Variants in NACA observed in about 807,000 individuals in gnomAD.
NACA encodes nascent polypeptide-associated complex subunit alpha.
Under a neutral mutation model 86.4 loss-of-function variants are expected in NACA, and 42 were observed. The observed-to-expected ratio is 0.49, with a 90% CI of 0.38 to 0.63. The LOEUF is 0.63. Among genes scored for constraint, NACA ranks in the 20% least tolerant of loss-of-function variants. The pLI, the probability that NACA is intolerant of heterozygous loss-of-function variation, is 0.00. For synonymous variants in NACA, 898 were observed against 973.7 expected, an observed-to-expected ratio of 0.92 and a Z score of 1.45; for missense variants, 2,157 against 2,483.6, an observed-to-expected ratio of 0.87 and a Z score of 2.80.
At position 56,720,242 on chromosome 12, in the gene NACA, G is replaced by A; in HGVS notation, c.1288C>T (p.Gln430Ter). The change falls in exon 3 of 9, where the codon CAA becomes TAA. Residue 430 changes from glutamine to a stop codon, truncating the protein, a stop_gained. Coordinates refer to ENST00000454682, the MANE Select transcript of NACA (RefSeq NM_001365896.1). LOFTEE classifies it high-confidence loss of function. Reference protein sequence around the residue: ...NATYHYPLVAQMPVSSVGTTP... With the variant: ...NATYHYPLVA ...GTTCCAACAGAAGAAACGGGCATTT[G>A]GGCCACTAAAGGATAATGATAAGTG... The A allele has an allele frequency of 6.2e-7, 1 of 1,613,904 alleles. No homozygotes were observed. The highest frequency in any genetic ancestry group is 8.5e-7 in the Non-Finnish European group (1 of 1,179,870).
In NACA at chr12:56,717,530, T is replaced by A. The variant is rs776013059; in HGVS notation, c.4000A>T (p.Thr1334Ser). 3.9e-5 allele frequency: 44 copies of A among 1,126,598 alleles called. No homozygotes were observed. In the East Asian group the frequency reaches 1.8e-3, roughly 46 times the overall value. The allele number at this position is 1,126,598 out of a possible 1,614,324, so 69.8% of individuals were successfully genotyped here. A position where few individuals can be genotyped will look rare whatever the true frequency, so the allele number is the denominator to read the frequency against. Residue 1334 changes from threonine (T) to serine (S), a missense_variant, in exon 3 of 9, where the codon ACT becomes TCT. Thr to Ser is a moderately conservative substitution (Grantham distance 58). Around this residue, in one of 8 missense-constraint regions of NACA, gnomAD observed 797 missense variants for 777.6 expected, o/e 1.02. Transcript: ENST00000454682. ...PGTPPPKGAPTPPAVTPPSPK... is the reference protein window; with the variant it reads ...PGTPPPKGAPSPPAVTPPSPK... ...GAGGGAGGAGTTACAGCTGGGGGAG[T>A]GGGGGCCCCTTTGGGGGGTGGGGTA...
At chr12:56,714,925 T>C (rs1214227595) in intron 3 of NACA, among the ~76,000 whole-genome samples, 1 of 152,152 alleles carries the variant, frequency 6.6e-6, no homozygotes, top group African/African-American at 2.4e-5. Flanking sequence ...TCACTAGAAA[T>C]AGCTGAGCAG....
At position 56,720,081 on chromosome 12, in the gene NACA, C is replaced by CA; in HGVS notation, c.1448dup (p.Leu483PhefsTer31). ...CTTTGGGAGCCACAGGTGCCATAAC[C>CA]AAGGCAGCAGGGGAAGTTGGTTCTA... On this transcript the variant is annotated frameshift_variant, in exon 3 of 9. Transcript: ENST00000454682. LOFTEE classifies it high-confidence loss of function. 1 of 1,613,838 alleles carries CA rather than the reference C, an allele frequency of 6.2e-7. No individual in the cohort carries two copies.
rs754827206 is a variant in NACA, at chr12:56,714,311, ACT to A, written c.5823+49_5823+50del. 1.1e-5 allele frequency: 18 copies of A among 1,570,830 alleles called. No individual in the cohort carries two copies. The South Asian group carries it at 2.0e-4, about 17-fold the overall frequency. ...AAAACCTATGGAAATAAACAGTTCCACTCTGTATAAAGGTGCTTCATAAGATC... is the reference window on the plus strand; with the variant it reads ...AAAACCTATGGAAATAAACAGTTCCACTGTATAAAGGTGCTTCATAAGATC... On this transcript the variant is annotated intron_variant, in intron 5 of 8. Coordinates refer to ENST00000454682, the MANE Select transcript of NACA (RefSeq NM_001365896.1).
Position 56,720,924 on chromosome 12 carries a change from G to T in NACA, c.606C>A (p.Thr202=). Residue 202 remains threonine, a synonymous_variant, in exon 3 of 9, where the codon ACC becomes ACA. Coordinates refer to ENST00000454682, the MANE Select transcript of NACA (RefSeq NM_001365896.1). ...TACTGACTATACATGGAGGGCTGGGGGTGCCTTTTGGATTAGGGACTACCT... is the reference window on the plus strand; with the variant it reads ...TACTGACTATACATGGAGGGCTGGGTGTGCCTTTTGGATTAGGGACTACCT... The part of the protein sequence containing the change: ...PSEVVPNPKG[T]PSPPCIVSTV... 1 of 1,613,772 alleles carries T rather than the reference G, an allele frequency of 6.2e-7. No homozygotes were observed. Among genetic ancestry groups the T allele is most frequent in the Non-Finnish European group, 8.5e-7 (1 of 1,179,752 alleles).
chr12:56,719,186 A>G lies in NACA; in HGVS notation c.2344T>C (p.Ser782Pro). The G allele has an allele frequency of 6.8e-7, 1 of 1,476,380 alleles. No homozygotes were observed. Among genetic ancestry groups the G allele is most frequent in the Non-Finnish European group, 9.2e-7 (1 of 1,091,214 alleles). The allele number at this position is 1,476,380 out of a possible 1,614,324, so 91.5% of individuals were successfully genotyped here. A position where few individuals can be genotyped will look rare whatever the true frequency, so the allele number is the denominator to read the frequency against. Reference sequence around the variant, plus strand: ...AGGTAAGTCAGAGTTCCTTTGGAAGATGCAGTAGCAGAAGCACCAGAGTCC... The same window carrying G: ...AGGTAAGTCAGAGTTCCTTTGGAAGGTGCAGTAGCAGAAGCACCAGAGTCC... ...TEDSGASATA[S>P]SKGTLTYLAD... Residue 782 changes from serine (S) to proline (P), a missense_variant, in exon 3 of 9, where the codon TCT becomes CCT. Physicochemically the swap from Ser to Pro is moderately conservative, Grantham distance 74 (BLOSUM62 -1). Coordinates refer to ENST00000454682, the MANE Select transcript of NACA (RefSeq NM_001365896.1).
Position 56,720,021 on chromosome 12 carries a change from T to C in NACA, c.1509A>G (p.Ile503Met), listed in dbSNP as rs748685514. The C allele has an allele frequency of 2.5e-5, 41 of 1,613,816 alleles. No homozygotes were observed. The East Asian group carries it at 7.8e-4, about 31-fold the overall frequency. ...GGTCTGGCAGAGGAGGAGAGACTGG[T>C]ATCCTCAGAGTGGTTGCTACTTGAG... ...PSTQVATTLRIPVSPPLPDPE... is the reference protein window; with the variant it reads ...PSTQVATTLRMPVSPPLPDPE... Residue 503 changes from isoleucine to methionine, a missense_variant, in exon 3 of 9, where the codon ATA becomes ATG. Physicochemically the swap from Ile to Met is conservative, Grantham distance 10. This residue lies in a region of NACA where 947 missense variants were observed against 917.9 expected (regional missense o/e 1.03). Transcript: ENST00000454682.
Position 56,721,005 on chromosome 12 carries a change from C to T in NACA, c.525G>A (p.Leu175=), listed in dbSNP as rs1953559463. ...AVAESGSVIT[L]SAPIAPSEPK... ...GTTCTGAGGGAGCAATGGGAGCTGA[C>T]AGAGTTATCACTGACCCTGACTCAG... Residue 175 remains leucine (L), a synonymous_variant, in exon 3 of 9, where the codon CTG becomes CTA. Transcript: ENST00000454682. The T allele has an allele frequency of 6.2e-7, 1 of 1,613,794 alleles. No homozygotes were observed. Among genetic ancestry groups the T allele is most frequent in the African/African-American group, 1.3e-5 (1 of 74,880 alleles).
chr12:56,716,600 G>T lies in NACA; in HGVS notation c.4930C>A (p.Pro1644Thr), dbSNP rs1192929725. The change falls in exon 3 of 9, where the codon CCT becomes ACT. Residue 1644 changes from proline to threonine, a missense_variant. By Grantham distance (38) the Pro-to-Thr change is conservative (BLOSUM62 -1). Coordinates refer to ENST00000454682, the MANE Select transcript of NACA (RefSeq NM_001365896.1). The part of the protein sequence containing the change: ...KGTPTSPPVT[P>T]SSLKDSPTSP... ...GTAGGGGAGTCTTTGAGGGAGGAAG[G>T]AGTCACAGGTGGGGAAGTGGGAGTC... The T allele has an allele frequency of 6.2e-6, 9 of 1,452,396 alleles. No individual in the cohort carries two copies. The South Asian group carries it at 7.9e-5, about 13-fold the overall frequency. The allele number at this position is 1,452,396 out of a possible 1,614,324, so 90.0% of individuals were successfully genotyped here.
chr12:56,713,231 A>C, intron 6 of NACA, 41 bp from the exon 7 acceptor site: 1 of 1,601,424 alleles, frequency 6.2e-7, no homozygotes. Flanking sequence ...GTAGATTAGC[A>C]GTCTTTGAAA....
rs776757899 is a variant in NACA, at chr12:56,713,206, T to C, written c.5971-16A>G. 2 of 1,613,074 alleles carry C rather than the reference T, an allele frequency of 1.2e-6. No homozygotes were observed. The highest frequency in any genetic ancestry group is 1.1e-5 in the South Asian group (1 of 90,994). ...AATCTTCGATCTACAGGGTAGAAAATACAGATCCATGTGAGTAGATTAGCA... is the reference window on the plus strand; with the variant it reads ...AATCTTCGATCTACAGGGTAGAAAACACAGATCCATGTGAGTAGATTAGCA... On this transcript the variant is annotated splice_polypyrimidine_tract_variant and intron_variant, in intron 6 of 8. Transcript: ENST00000454682.
At position 56,717,109 on chromosome 12, in the gene NACA, G is replaced by T; in HGVS notation, c.4421C>A (p.Ser1474Tyr). Reference protein sequence around the residue: ...DPTLPAVTPPSPKEPPAPKQV... With the variant: ...DPTLPAVTPPYPKEPPAPKQV... ...TTTGGGGGCTGGGGGCTCCTTGGGG[G>T]AAGGAGGAGTCACTGCTGGGAGGGT... Residue 1474 changes from serine to tyrosine, a missense_variant, in exon 3 of 9, where the codon TCC becomes TAC. Physicochemically the swap from Ser to Tyr is moderately radical, Grantham distance 144. Transcript: ENST00000454682. 1 of 1,271,900 alleles carries T rather than the reference G, an allele frequency of 7.9e-7. No homozygotes were observed. The highest frequency in any genetic ancestry group is 1.0e-6 in the Non-Finnish European group (1 of 989,550). 78.8% of individuals were successfully genotyped at this position (1,271,900 alleles called of 1,614,324 possible). A position where few individuals can be genotyped will look rare whatever the true frequency, so the allele number is the denominator to read the frequency against.
At chr12:56,713,895 G>A (rs1241850182) in intron 5 of NACA, 4 of 532,842 alleles carry the variant, frequency 7.5e-6, no homozygotes, top group Non-Finnish European at 1.3e-5. Flanking sequence ...AGGCTGGAGT[G>A]CAGTGGTGCA....
Position 56,720,977 on chromosome 12 carries a change from T to G in NACA, c.553A>C (p.Lys185Gln), listed in dbSNP as rs1286682634. The G allele has an allele frequency of 1.9e-6, 3 of 1,613,782 alleles. No individual in the cohort carries two copies. The African/African-American group carries it at 4.0e-5, about 22-fold the overall frequency. The change falls in exon 3 of 9, where the codon AAG (lysine) becomes CAG (glutamine). Residue 185 changes from lysine to glutamine, a missense_variant. Lys to Gln is a moderately conservative substitution (Grantham distance 53). Transcript: ENST00000454682. ...LSAPIAPSEP[K>Q]TNLNKVPSEV... ...GAGGGAACTTTATTAAGATTAGTCT[T>G]TGGTTCTGAGGGAGCAATGGGAGCT...
In NACA at chr12:56,720,002, G is replaced by A. The variant is rs747387694; in HGVS notation, c.1528C>T (p.Pro510Ser). 9 of 1,613,870 alleles carry A rather than the reference G, an allele frequency of 5.6e-6. No individual in the cohort carries two copies. The highest frequency in any genetic ancestry group is 1.6e-4 in the Middle Eastern group (1 of 6,062). ...TLRIPVSPPL[P>S]DPEDLKNLPS... ...AGATTTTTGAGGTCTTCAGGGTCTG[G>A]CAGAGGAGGAGAGACTGGTATCCTC... The change falls in exon 3 of 9, where the codon CCA (proline) becomes TCA (serine). Residue 510 changes from proline (P) to serine (S), a missense_variant. By Grantham distance (74) the Pro-to-Ser change is moderately conservative. Transcript: ENST00000454682.
At chr12:56,722,336 A>G (rs1168255689) in intron 2 of NACA, among the ~76,000 whole-genome samples, 1 of 152,190 alleles carries the variant, frequency 6.6e-6, no homozygotes, top group Non-Finnish European at 1.5e-5. Flanking sequence ...AAGGGTAGGG[A>G]CTGTATTATG....
chr12:56,713,365 T>A, intron 6 of NACA, 172 bp downstream of exon 6: 1 of 1,195,214 alleles, frequency 8.4e-7, no homozygotes, highest in Non-Finnish European at 1.2e-6. Flanking sequence ...GGTTCTCAAC[T>A]AGGGGGTAGT....
In NACA at chr12:56,713,276, C is replaced by A. The variant is rs759790877; in HGVS notation, c.5971-86G>T. 383 of 1,495,186 alleles carry A rather than the reference C, an allele frequency of 2.6e-4. 1 individual carries two copies. The highest frequency in any genetic ancestry group is 3.4e-4 in the Non-Finnish European group (373 of 1,098,712). 92.6% of individuals were successfully genotyped at this position (1,495,186 alleles called of 1,614,324 possible). On this transcript the variant is annotated intron_variant, in intron 6 of 8. Transcript: ENST00000454682. ...TATAGTTTCACAACTCTCTGTAAAC[C>A]CATTCAGGTAACTTATTGTACAGCT...
intron 2 of NACA, among the ~76,000 whole-genome samples, chr12:56,723,802 A>G (rs1953637797): frequency 6.6e-6 from 1 of 152,190 alleles, no homozygotes; most frequent in Non-Finnish European, 1.5e-5. Context: ...CTACAGAGAT[A>G]TGTTTTAACC....
Sources: allele counts gnomAD v4.1 joint callset (sites outside exome capture counted in the v4.1 genomes callset), GRCh38; gene constraint gnomAD v4.1.1; regional missense constraint gnomAD v4.1.1; transcripts MANE v1.5; gene names NCBI Gene and HGNC (gene_info 2026-07-23, HGNC 2026-07-21).